The following SCHIP1 variants were observed in gnomAD, a reference collection of about 807,000 sequenced individuals.
SCHIP1 encodes the protein schwannomin interacting protein 1, also known as schwannomin-interacting protein 1.
Under a neutral mutation model 29.7 loss-of-function variants are expected in SCHIP1, and 8 were observed. That is an observed-to-expected ratio of 0.27 (90% CI 0.16 to 0.49). The LOEUF (loss-of-function observed/expected upper bound fraction) is 0.49, where lower values mean the gene tolerates loss of function less well. Among genes scored for constraint, SCHIP1 ranks in the 20% least tolerant of loss-of-function variants. The probability of loss-of-function intolerance (pLI) is 0.99; values close to 1 mark genes in which losing one functional copy is unlikely to be tolerated. For missense variants in SCHIP1, 193 were observed against 294.6 expected (o/e 0.66, Z 2.52); for synonymous variants, 76 against 94.9 (o/e 0.80, Z 1.16).
At chr3:159,595,666 G>C in the SCHIP1 span, among the ~76,000 whole-genome samples, 1 of 152,086 alleles carries the variant, frequency 6.6e-6, no homozygotes, top group African/African-American at 2.4e-5. Flanking sequence ...TTTAAAAAAA[G>C]AATACCAGAA....
chr3:159,832,965 C>T, the SCHIP1 span, among the ~76,000 whole-genome samples: 1,984 of 152,300 alleles, frequency 0.013, 101 homozygotes, highest in South Asian at 0.15. Flanking sequence ...TAATCTCTTA[C>T]TGTGCCTAAG....
chr3:159,570,299 C>A, the SCHIP1 span, among the ~76,000 whole-genome samples: 1 of 152,162 alleles, frequency 6.6e-6, no homozygotes, highest in African/African-American at 2.4e-5. Context: ...AGTCTTTAAT[C>A]CATCTTGAAT....
the SCHIP1 span, among the ~76,000 whole-genome samples, chr3:159,334,502 C>G: frequency 6.6e-6 from 1 of 152,122 alleles, no homozygotes; most frequent in Non-Finnish European, 1.5e-5. Context: ...TGCATAGATT[C>G]AGGTAACCAC....
At chr3:159,563,781 C>A in the SCHIP1 span, among the ~76,000 whole-genome samples, 1 of 151,970 alleles carries the variant, frequency 6.6e-6, no homozygotes, top group African/African-American at 2.4e-5. Flanking sequence ...GCTATGATAG[C>A]ACACTGAACT....
chr3:159,685,698 C>T, the SCHIP1 span, among the ~76,000 whole-genome samples: 7 of 152,244 alleles, frequency 4.6e-5, no homozygotes, highest in African/African-American at 1.7e-4. Context: ...TTCTTGAGTT[C>T]AGAACACCTT....
At chr3:159,786,164 A>G in the SCHIP1 span, among the ~76,000 whole-genome samples, 4 of 152,232 alleles carry the variant, frequency 2.6e-5, no homozygotes, top group Non-Finnish European at 4.4e-5. Flanking sequence ...GACTTACTCA[A>G]CAGCTGTTTG....
the SCHIP1 span, among the ~76,000 whole-genome samples, chr3:159,818,949 A>G: frequency 2.6e-5 from 4 of 152,248 alleles, no homozygotes; most frequent in Admixed American, 1.3e-4. Flanking sequence ...AAAAACAGAC[A>G]TTTACTATCT....
chr3:159,556,922 A>T, the SCHIP1 span, among the ~76,000 whole-genome samples: 2 of 151,396 alleles, frequency 1.3e-5, no homozygotes, highest in Admixed American at 1.3e-4. Context: ...TATAATAATA[A>T]TAAAATAAAA....
chr3:159,412,614 A>G, the SCHIP1 span, among the ~76,000 whole-genome samples: 1 of 152,212 alleles, frequency 6.6e-6, no homozygotes, highest in African/African-American at 2.4e-5. Context: ...TCCTGGCTTG[A>G]AAGGGACCAA....
the SCHIP1 span, among the ~76,000 whole-genome samples, chr3:159,729,854 C>T: frequency 2.0e-5 from 3 of 152,124 alleles, no homozygotes; most frequent in African/African-American, 7.2e-5. Flanking sequence ...AGACTAGAAA[C>T]AGTCTGAATG....
the SCHIP1 span, among the ~76,000 whole-genome samples, chr3:159,591,425 A>T: frequency 2.0e-5 from 3 of 152,172 alleles, no homozygotes. Flanking sequence ...TGGGTATATA[A>T]CCAAAGGATT....
chr3:159,443,155 C>T, the SCHIP1 span, among the ~76,000 whole-genome samples: 1 of 152,278 alleles, frequency 6.6e-6, no homozygotes, highest in Non-Finnish European at 1.5e-5. Context: ...CTGCGATTCT[C>T]TCTGACAGGC....
At chr3:159,436,337 A>G in the SCHIP1 span, among the ~76,000 whole-genome samples, 2 of 152,098 alleles carry the variant, frequency 1.3e-5, no homozygotes, top group Non-Finnish European at 1.5e-5. Context: ...TGATATTTAC[A>G]TTTTTGTGCC....
At chr3:159,362,414 A>G in the SCHIP1 span, among the ~76,000 whole-genome samples, 1 of 152,226 alleles carries the variant, frequency 6.6e-6, no homozygotes, top group African/African-American at 2.4e-5. Context: ...CTTATATTTC[A>G]GCTGCACCTC....
chr3:159,828,388 C>CATATATATATGTATATATGTAT, the SCHIP1 span, among the ~76,000 whole-genome samples: 13 of 65,376 alleles, frequency 2.0e-4, no homozygotes, highest in African/African-American at 5.9e-4. Flanking sequence ...TATATATATA[C>CATATATATATGTATATATGTAT]ATATATACGT....
intron 2 of SCHIP1, among the ~76,000 whole-genome samples, chr3:159,870,149 T>C (rs143869032): frequency 2.6e-5 from 4 of 152,124 alleles, no homozygotes; most frequent in South Asian, 2.1e-4. Flanking sequence ...CCTGGGATTT[T>C]TAAAGAATGA....
At chr3:159,591,051 T>TC in the SCHIP1 span, among the ~76,000 whole-genome samples, 220 of 152,308 alleles carry the variant, frequency 1.4e-3, no homozygotes, top group African/African-American at 5.0e-3. Flanking sequence ...ACAAAGCCTC[T>TC]CCTTATGGTT....
the SCHIP1 span, among the ~76,000 whole-genome samples, chr3:159,548,140 T>C: frequency 6.6e-6 from 1 of 152,116 alleles, no homozygotes; most frequent in Non-Finnish European, 1.5e-5. Flanking sequence ...AATTACATTT[T>C]TTTGTTGTAA....
the SCHIP1 span, among the ~76,000 whole-genome samples, chr3:159,490,713 A>C: frequency 6.6e-6 from 1 of 152,238 alleles, no homozygotes; most frequent in African/African-American, 2.4e-5. Context: ...GAGGAGATAA[A>C]TTCTAAGATT....
Sources: gnomAD v4.1 joint callset for allele counts (sites outside exome capture counted in the v4.1 genomes callset) on GRCh38, gnomAD v4.1.1 for gene constraint, MANE v1.5 for transcripts, NCBI Gene and HGNC (gene_info 2026-07-23, HGNC 2026-07-21) for gene names.